INPP1: variants seen among roughly 807,000 people sequenced by gnomAD.
The protein encoded by INPP1 is inositol polyphosphate 1-phosphatase.
Under a neutral mutation model 23.0 loss-of-function variants are expected in INPP1, and 18 were observed. The observed-to-expected ratio is 0.78, with a 90% CI of 0.54 to 1.16. The LOEUF (loss-of-function observed/expected upper bound fraction) is 1.16, where lower values mean the gene tolerates loss of function less well. Among genes scored for constraint, INPP1 ranks in the 50% most tolerant of loss-of-function variants. INPP1 has a pLI of 0.00. For synonymous variants in INPP1, 164 were observed against 176.3 expected (o/e 0.93, Z 0.55); for missense variants, 448 against 482.1 (o/e 0.93, Z 0.66).
At chr2:190,359,023 G>C (rs908485437) in intron 2 of INPP1, among the ~76,000 whole-genome samples, 1 of 152,120 alleles carries the variant, frequency 6.6e-6, no homozygotes. Context: ...TCTGAGGCTG[G>C]GCGCAGTGGC....
rs530910043 is a variant in INPP1, at chr2:190,356,664, C to A, written c.-64-3375C>A. 6.6e-6 allele frequency: 1 copy of A among 152,026 alleles called. No individual in the cohort carries two copies. Among genetic ancestry groups the A allele is most frequent in the Non-Finnish European group, 1.5e-5 (1 of 68,008 alleles). 9.4% of individuals were successfully genotyped at this position (152,026 alleles called of 1,614,324 possible). A position where few individuals can be genotyped will look rare whatever the true frequency, so the allele number is the denominator to read the frequency against. ...TATTAGGGTGTTATAAGGAGTGTTT[C>A]TTGGTTATTCAACAGTGTAGTTAGT... is the stretch of plus-strand genomic sequence containing the variant. On this transcript the variant is annotated intron_variant, in intron 2 of 6. Transcript: ENST00000392329. This position sits in a 1 kb window ranked among gnomAD's most constrained non-coding sequence, Gnocchi z 6.4.
At position 190,360,319 on chromosome 2, in the gene INPP1, A is replaced by G; in HGVS notation, c.204+13A>G. ...TATGGAGAACAAGGTAAGAAAGGTC[A>G]TAGCCAAGGTAACTGCAAAATAGTT... On this transcript the variant is annotated intron_variant, in intron 3 of 6. Transcript: ENST00000392329. 6.2e-7 allele frequency: 1 copy of G among 1,612,088 alleles called. No homozygotes were observed. The highest frequency in any genetic ancestry group is 1.7e-4 in the Middle Eastern group (1 of 6,054).
intron 4 of INPP1, among the ~76,000 whole-genome samples, chr2:190,366,223 CTCTT>C (rs921693086): frequency 6.6e-6 from 1 of 151,078 alleles, no homozygotes. Context: ...CTCTGTCTCT[CTCTT>C]GCTTGCTCTC....
At position 190,366,852 on chromosome 2, in the gene INPP1, C is replaced by G. The variant is rs775017663; in HGVS notation, c.423C>G (p.Ile141Met). The G allele has an allele frequency of 2.9e-5, 46 of 1,613,760 alleles. No individual in the cohort carries two copies. In the South Asian group the frequency reaches 4.4e-4, roughly 15 times the overall value. ...FTDPTLDSTE[I>M]NVPQDILGIW... ...ACCCAACTCTGGATTCCACAGAGAT[C>G]AATGTTCCACAGGACATTTTGGGAA... The change falls in exon 5 of 7, where the codon ATC becomes ATG. Residue 141 changes from isoleucine to methionine, a missense_variant. Physicochemically the swap from Ile to Met is conservative, Grantham distance 10 (BLOSUM62 1). Coordinates refer to ENST00000392329, the MANE Select transcript of INPP1 (RefSeq NM_001128928.2).
In INPP1 at chr2:190,353,675, CAGAGAGGGTA is replaced by C. The variant is rs549832705; in HGVS notation, c.-65+4648_-65+4657del. ...TATATTAAAGGTAAAGAGAGAGTCT[CAGAGAGGGTA>C]AGAAAATACCTGATGCCACACAGCT... On this transcript the variant is annotated intron_variant, in intron 2 of 6. Coordinates refer to ENST00000392329, the MANE Select transcript of INPP1 (RefSeq NM_001128928.2). 2.0e-5 allele frequency among the ~76,000 whole-genome samples: 3 copies of C among 152,272 alleles called. No individual in the cohort carries two copies. The South Asian group carries it at 6.2e-4, about 32-fold the overall frequency.
At position 190,370,868 on chromosome 2, in the gene INPP1, C is replaced by A. The variant is rs769618150; in HGVS notation, c.666C>A (p.Gly222=). Residue 222 remains glycine (G), a synonymous_variant, in exon 7 of 7, where the codon GGC becomes GGA. Transcript: ENST00000392329. ...GGTGGAAAGGACAGTGCTATTGGGG[C>A]CTTTCTTACATGGGGACCAACATGC... ...TLRWKGQCYW[G]LSYMGTNMHS... is the part of the protein sequence containing the mutation. 2.5e-6 allele frequency: 4 copies of A among 1,612,260 alleles called. No homozygotes were observed. Among genetic ancestry groups the A allele is most frequent in the African/African-American group, 2.7e-5 (2 of 74,848 alleles).
intron 2 of INPP1, 45 bp from the exon 3 acceptor site, chr2:190,359,994 C>A: frequency 9.0e-7 from 1 of 1,112,048 alleles, no homozygotes; most frequent in Non-Finnish European, 1.3e-6. Flanking sequence ...ACCCTGACAT[C>A]ACTCTCTGAA....
intron 2 of INPP1, among the ~76,000 whole-genome samples, chr2:190,357,432 C>T (rs957036035): frequency 6.6e-6 from 1 of 152,158 alleles, no homozygotes; most frequent in Non-Finnish European, 1.5e-5. Context: ...CTTTCAAGCT[C>T]TTTCTCTCTG....
At chr2:190,362,285 TA>T (rs1465135416) in intron 3 of INPP1, among the ~76,000 whole-genome samples, 1 of 152,208 alleles carries the variant, frequency 6.6e-6, no homozygotes, top group Non-Finnish European at 1.5e-5. Context: ...GAGCAATAGT[TA>T]AAACATGTCC....
intron 2 of INPP1, among the ~76,000 whole-genome samples, chr2:190,358,579 T>C (rs1411842508): frequency 6.6e-6 from 1 of 152,218 alleles, no homozygotes; most frequent in Non-Finnish European, 1.5e-5. Flanking sequence ...CCTGGGCTTG[T>C]GTGCAGGAGC....
Position 190,347,943 on chromosome 2 carries a change from G to C in INPP1, c.-208-945G>C, listed in dbSNP as rs190214070. ...ACCTGAGGTCAGGAGTTCGAGACCAGCCTGGCCAACATGGCGAAACCTGGT... is the reference window on the plus strand; with the variant it reads ...ACCTGAGGTCAGGAGTTCGAGACCACCCTGGCCAACATGGCGAAACCTGGT... On this transcript the variant is annotated intron_variant, in intron 1 of 6. Coordinates refer to ENST00000392329, the MANE Select transcript of INPP1 (RefSeq NM_001128928.2). Among the ~76,000 whole-genome samples, 915 of 152,340 alleles carry C rather than the reference G, an allele frequency of 6.0e-3. 14 individuals are homozygous for C. Among genetic ancestry groups the C allele is most frequent in the African/African-American group, 0.021 (880 of 41,582 alleles).
chr2:190,358,072 A>ATT (rs749071988), intron 2 of INPP1, among the ~76,000 whole-genome samples: 720 of 111,288 alleles, frequency 6.5e-3, no homozygotes, highest in Middle Eastern at 0.012. Flanking sequence ...CATTAAGGGA[A>ATT]TTTTTTTTTT....
At chr2:190,366,079 C>T (rs1689651511) in intron 4 of INPP1, among the ~76,000 whole-genome samples, 1 of 147,516 alleles carries the variant, frequency 6.8e-6, no homozygotes, top group Non-Finnish European at 1.5e-5. Flanking sequence ...CTCTTTCACT[C>T]TGTCTCTCTC....
chr2:190,359,382 C>G (rs1005625378), intron 2 of INPP1, among the ~76,000 whole-genome samples: 1 of 151,568 alleles, frequency 6.6e-6, no homozygotes, highest in Non-Finnish European at 1.5e-5. Flanking sequence ...ACGGTGAAAC[C>G]CTGTCTCTAC....
intron 2 of INPP1, among the ~76,000 whole-genome samples, chr2:190,357,228 G>A (rs1689436219): frequency 6.6e-6 from 1 of 152,074 alleles, no homozygotes; most frequent in African/African-American, 2.4e-5. Flanking sequence ...TTAGACATTT[G>A]CCTCGAGGGG....
At chr2:190,347,535 T>TG (rs1348143820) in intron 1 of INPP1, among the ~76,000 whole-genome samples, 19 of 151,758 alleles carry the variant, frequency 1.3e-4, no homozygotes, top group Admixed American at 2.0e-4. Flanking sequence ...TCTCCTTTTT[T>TG]GGGGGGGGAT....
intron 3 of INPP1, among the ~76,000 whole-genome samples, chr2:190,360,938 A>G (rs1054369467): frequency 1.3e-5 from 2 of 152,208 alleles, no homozygotes; most frequent in Non-Finnish European, 2.9e-5. Flanking sequence ...AAAGATGTTT[A>G]TATGTTAATA....
Position 190,348,266 on chromosome 2 carries a change from TAA to T in INPP1, c.-208-621_-208-620del, listed in dbSNP as rs1416355982. On this transcript the variant is annotated intron_variant, in intron 1 of 6. Transcript: ENST00000392329. ...TACCCCCACTTGTTTTTTAAAAATATAAGTCAACAAATATTTATTATGCCCTT... is the reference window on the plus strand; with the variant it reads ...TACCCCCACTTGTTTTTTAAAAATATGTCAACAAATATTTATTATGCCCTT... Among the ~76,000 whole-genome samples the T allele has an allele frequency of 2.0e-5, 3 of 152,208 alleles. No homozygotes were observed. The East Asian group carries it at 5.8e-4, about 29-fold the overall frequency.
intron 3 of INPP1, among the ~76,000 whole-genome samples, chr2:190,361,811 A>G (rs1689539766): frequency 6.6e-6 from 1 of 152,256 alleles, no homozygotes; most frequent in South Asian, 2.1e-4. Flanking sequence ...ACAAAATAAT[A>G]TGAATAATAA....
Sources: gnomAD v4.1 joint callset for allele counts (sites outside exome capture counted in the v4.1 genomes callset) on GRCh38, gnomAD v4.1.1 for gene constraint, Gnocchi (gnomAD v3.1) non-coding constraint, MANE v1.5 for transcripts, NCBI Gene and HGNC (gene_info 2026-07-23, HGNC 2026-07-21) for gene names.